Variants in ATG2B observed in about 807,000 individuals in gnomAD.
The protein encoded by ATG2B is autophagy-related protein 2 homolog B.
Under a neutral mutation model 241.3 loss-of-function variants are expected in ATG2B, and 121 were observed. The ratio of observed to expected loss-of-function variants is 0.50; its 90% CI spans 0.43 to 0.58. The LOEUF (loss-of-function observed/expected upper bound fraction) is 0.58. ATG2B is among the 20% of genes least tolerant of loss of function. The probability of loss-of-function intolerance (pLI) is 0.00; values close to 1 mark genes in which losing one functional copy is unlikely to be tolerated. For missense variants in ATG2B, 2,306 were observed against 2,491.6 expected, an observed-to-expected ratio of 0.93 and a Z score of 1.59; for synonymous variants, 858 against 876.6, an observed-to-expected ratio of 0.98 and a Z score of 0.37.
Position 96,284,317 on chromosome 14 carries a change from C to G in ATG2B, c.*1438G>C, listed in dbSNP as rs1467380915. 1 of 152,110 alleles carries G rather than the reference C, an allele frequency of 6.6e-6. No homozygotes were observed. Among genetic ancestry groups the G allele is most frequent in the Non-Finnish European group, 1.5e-5 (1 of 68,018 alleles). 9.4% of individuals were successfully genotyped at this position (152,110 alleles called of 1,614,324 possible). ...AAGTTTTTTGGCAGTAAAAAGGAAACTAAAATTAAAAGCTATATAACCCCA... is the reference window on the plus strand; with the variant it reads ...AAGTTTTTTGGCAGTAAAAAGGAAAGTAAAATTAAAAGCTATATAACCCCA... On this transcript the variant is annotated 3_prime_UTR_variant, in exon 42 of 42. Coordinates refer to ENST00000359933, the MANE Select transcript of ATG2B (RefSeq NM_018036.7).
At chr14:96,340,926 G>GAAAA (rs34515724) in intron 6 of ATG2B, among the ~76,000 whole-genome samples, 1 of 112,938 alleles carries the variant, frequency 8.9e-6, no homozygotes, top group Non-Finnish European at 1.7e-5. Context: ...ACCCCATCTC[G>GAAAA]AAAAAAAAAA....
chr14:96,353,497 G>A (rs1046674083), intron 1 of ATG2B, among the ~76,000 whole-genome samples: 5 of 152,014 alleles, frequency 3.3e-5, no homozygotes, highest in South Asian at 4.1e-4. Context: ...ATGGTGACAT[G>A]GGCCTGTAGT....
intron 10 of ATG2B, 42 bp from the exon 11 acceptor site, chr14:96,331,679 C>T (rs1887741186): frequency 7.1e-7 from 1 of 1,404,756 alleles, no homozygotes; most frequent in Middle Eastern, 1.9e-4. Flanking sequence ...AAATTTGACA[C>T]ATAAAACTAT....
At chr14:96,310,965 A>AC in intron 28 of ATG2B, 152 bp downstream of exon 28, 1 of 601,902 alleles carries the variant, frequency 1.7e-6, no homozygotes, top group Non-Finnish European at 2.6e-6. Context: ...GGCCCATGAA[A>AC]CCACCGTTTC....
Position 96,322,157 on chromosome 14 carries a change from T to C in ATG2B, c.2834A>G (p.Tyr945Cys). ...AAAGCTCTTATTAGGTAGTGTTACA[T>C]AAATATTTGGTAACGTAAGTTCCAG... ...YVLELTLPNIYVTLPNKSFYE... is the reference protein window; with the variant it reads ...YVLELTLPNICVTLPNKSFYE... Residue 945 changes from tyrosine to cysteine, a missense_variant, in exon 18 of 42, where the codon TAT (tyrosine) becomes TGT (cysteine). Tyr to Cys is a radical substitution (Grantham distance 194). Transcript: ENST00000359933. 2 of 1,570,604 alleles carry C rather than the reference T, an allele frequency of 1.3e-6. No homozygotes were observed. The highest frequency in any genetic ancestry group is 8.6e-7 in the Non-Finnish European group (1 of 1,164,866).
chr14:96,345,952 G>A (rs1201001804), intron 2 of ATG2B, among the ~76,000 whole-genome samples: 1 of 152,056 alleles, frequency 6.6e-6, no homozygotes, highest in African/African-American at 2.4e-5. Flanking sequence ...GTTGAAAGTA[G>A]AAAAAATAAT....
At chr14:96,354,897 A>C (rs2139909059) in intron 1 of ATG2B, among the ~76,000 whole-genome samples, 1 of 152,244 alleles carries the variant, frequency 6.6e-6, no homozygotes, top group East Asian at 1.9e-4. Flanking sequence ...AATGACAGTG[A>C]TGTTGAGCTT....
chr14:96,317,397 A>G (rs1331999045), intron 19 of ATG2B, 80 bp from the exon 20 acceptor site: 1 of 1,222,206 alleles, frequency 8.2e-7, no homozygotes, highest in Non-Finnish European at 1.1e-6. Flanking sequence ...AATATTTTAT[A>G]TAACCTGCTT....
At chr14:96,347,457 A>G in intron 1 of ATG2B, 116 bp from the exon 2 acceptor site, 1 of 705,184 alleles carries the variant, frequency 1.4e-6, no homozygotes. Context: ...TAAAGAAAGC[A>G]GAGACTTCCA....
intron 41 of ATG2B, 27 bp from the exon 42 acceptor site, chr14:96,286,012 A>G: frequency 6.3e-7 from 1 of 1,580,046 alleles, no homozygotes; most frequent in Non-Finnish European, 8.7e-7. Context: ...GGTAGGAGAG[A>G]GGAGGGCAGT....
At chr14:96,333,575 G>T (rs1039157585) in intron 8 of ATG2B, 113 bp downstream of exon 8, 2 of 943,312 alleles carry the variant, frequency 2.1e-6, no homozygotes, top group African/African-American at 1.7e-5. Flanking sequence ...CTTACAATGT[G>T]GATCTTTTTG....
chr14:96,304,724 ACG>A, intron 31 of ATG2B, 121 bp from the exon 32 acceptor site: 2 of 693,654 alleles, frequency 2.9e-6, no homozygotes, highest in Non-Finnish European at 4.7e-6. Context: ...AGCTATCAGA[ACG>A]CTGCCACAAA....
At position 96,290,710 on chromosome 14, in the gene ATG2B, G is replaced by T; in HGVS notation, c.5701+104C>A. On this transcript the variant is annotated intron_variant, in intron 39 of 41. Transcript: ENST00000359933. This position sits in a 1 kb window ranked among gnomAD's most constrained non-coding sequence, Gnocchi z 4.4. ...AAGTTTTGTGTATATGAGTACATATGTGAGTTTTCTAGACTAATGGTCCTC... is the reference window on the plus strand; with the variant it reads ...AAGTTTTGTGTATATGAGTACATATTTGAGTTTTCTAGACTAATGGTCCTC... The T allele has an allele frequency of 6.5e-7, 1 of 1,542,048 alleles. No homozygotes were observed. The highest frequency in any genetic ancestry group is 8.8e-7 in the Non-Finnish European group (1 of 1,137,194).
At chr14:96,288,060 G>T (rs3783431) in intron 41 of ATG2B, among the ~76,000 whole-genome samples, 2,025 of 151,832 alleles carry the variant, frequency 0.013, 45 homozygotes, top group South Asian at 0.065. Flanking sequence ...GTCCAAACAA[G>T]CACATCCTAC....
chr14:96,313,125 G>A lies in ATG2B; in HGVS notation c.3782C>T (p.Thr1261Ile), dbSNP rs147992511. The change falls in exon 25 of 42, where the codon ACC (threonine) becomes ATC (isoleucine). Residue 1261 changes from threonine to isoleucine, a missense_variant. Physicochemically the swap from Thr to Ile is moderately conservative, Grantham distance 89 (BLOSUM62 -1). This residue lies in a region of ATG2B where 1,927 missense variants were observed against 2,011.2 expected (regional missense o/e 0.96). Transcript: ENST00000359933. ...PLYLPIRSLLTVETFSVSSSV... is the reference protein window; with the variant it reads ...PLYLPIRSLLIVETFSVSSSV... ...ACTGGAAACACTGAATGTTTCCACG[G>A]TAAGAAGAGATCGGATTGGCAAATA... The A allele has an allele frequency of 3.1e-4, 503 of 1,613,452 alleles. 1 individual carries two copies. In the African/African-American group the frequency reaches 5.5e-3, roughly 18 times the overall value.
chr14:96,338,265 G>C (rs1241825769), intron 6 of ATG2B, among the ~76,000 whole-genome samples: 1 of 151,942 alleles, frequency 6.6e-6, no homozygotes, highest in African/African-American at 2.4e-5. Flanking sequence ...TTCCAATTTG[G>C]ATGTCCTTTA....
chr14:96,338,621 C>T (rs981581409), intron 6 of ATG2B, among the ~76,000 whole-genome samples: 2 of 152,022 alleles, frequency 1.3e-5, no homozygotes, highest in African/African-American at 4.8e-5. Flanking sequence ...TCATCTCTCA[C>T]CCTATACAAG....
chr14:96,322,777 TA>T (rs1887493352), intron 16 of ATG2B, 42 bp from the exon 17 acceptor site: 1 of 1,548,342 alleles, frequency 6.5e-7, no homozygotes. Context: ...GATCTAAGTG[TA>T]AACAGCAAAA....
chr14:96,324,142 C>T (rs562613628), intron 15 of ATG2B, 144 bp from the exon 16 acceptor site: 24 of 602,690 alleles, frequency 4.0e-5, no homozygotes, highest in South Asian at 1.9e-4. Context: ...TTCATGTGCA[C>T]GTGTGGTAGA....
Sources: allele counts gnomAD v4.1 joint callset (sites outside exome capture counted in the v4.1 genomes callset), GRCh38; gene constraint gnomAD v4.1.1; regional missense constraint gnomAD v4.1.1; non-coding constraint Gnocchi (gnomAD v3.1); transcripts MANE v1.5; gene names NCBI Gene and HGNC (gene_info 2026-07-23, HGNC 2026-07-21).